Variants in NRXN1 observed in about 807,000 individuals in gnomAD.
The protein encoded by NRXN1 is neurexin-1.
NRXN1 carries 39 observed loss-of-function variants against 150.9 expected under a neutral mutation model. That is an observed-to-expected ratio of 0.26 (90% CI 0.20 to 0.34). The LOEUF (loss-of-function observed/expected upper bound fraction) is 0.34, where lower values mean the gene tolerates loss of function less well. Ranked by LOEUF, NRXN1 falls within the 10% of genes least tolerant of loss-of-function variation. The pLI, the probability that NRXN1 is intolerant of heterozygous loss-of-function variation, is 1.00. For synonymous variants in NRXN1, 924 were observed against 757.0 expected, an observed-to-expected ratio of 1.22 and a Z score of -3.62; for missense variants, 1,815 against 1,949.9, an observed-to-expected ratio of 0.93 and a Z score of 1.30.
chr2:50,940,632 A>G (rs536125236), intron 2 of NRXN1, among the ~76,000 whole-genome samples: 2 of 152,286 alleles, frequency 1.3e-5, no homozygotes, highest in Non-Finnish European at 2.9e-5. Context: ...AACAAACAAG[A>G]TGAAAGTTGC....
chr2:50,477,551 G>C (rs771304833), intron 15 of NRXN1, among the ~76,000 whole-genome samples: 1 of 152,192 alleles, frequency 6.6e-6, no homozygotes, highest in East Asian at 1.9e-4. Context: ...TTAGAGTAAA[G>C]ACCAAGCTCT....
At chr2:50,596,716 G>C (rs1265359455) in intron 8 of NRXN1, among the ~76,000 whole-genome samples, 1 of 152,084 alleles carries the variant, frequency 6.6e-6, no homozygotes, top group Non-Finnish European at 1.5e-5. Flanking sequence ...TTGGAGAAGG[G>C]ACCCATCTGT....
In NRXN1 at chr2:50,347,193, G is replaced by A. The variant is rs1046856708; in HGVS notation, c.3365-110223C>T. ...AATGCAGCTGGAGAGGGGCTTGTCC[G>A]GAAAGGCAGCCCCGGGAACAGCAAG... On this transcript the variant is annotated intron_variant, in intron 17 of 22. Transcript: ENST00000401669. This position sits in a 1 kb window ranked among gnomAD's most constrained non-coding sequence, Gnocchi z 4.9. 6 of 1,351,798 alleles carry A rather than the reference G, an allele frequency of 4.4e-6. No individual in the cohort carries two copies. Among genetic ancestry groups the A allele is most frequent in the African/African-American group, 3.0e-5 (2 of 67,534 alleles). The allele number at this position is 1,351,798 out of a possible 1,614,324, so 83.7% of individuals were successfully genotyped here. A position where few individuals can be genotyped will look rare whatever the true frequency, so the allele number is the denominator to read the frequency against.
intron 17 of NRXN1, among the ~76,000 whole-genome samples, chr2:50,326,012 T>C (rs2076361979): frequency 6.6e-6 from 1 of 152,226 alleles, no homozygotes; most frequent in South Asian, 2.1e-4. Context: ...ATCTGTTGTT[T>C]GAATATATTT....
At chr2:50,999,604 C>A (rs960708358) in intron 2 of NRXN1, among the ~76,000 whole-genome samples, 4 of 151,884 alleles carry the variant, frequency 2.6e-5, no homozygotes, top group Admixed American at 2.6e-4. Context: ...TTTCTCAGAC[C>A]AGCTGACACT....
chr2:50,508,068 C>T (rs2092314619), intron 12 of NRXN1, among the ~76,000 whole-genome samples: 1 of 152,046 alleles, frequency 6.6e-6, no homozygotes, highest in Admixed American at 6.6e-5. Context: ...GTTTTCCATC[C>T]ACATGAGATC....
chr2:50,732,611 G>C (rs758023805), intron 5 of NRXN1, among the ~76,000 whole-genome samples: 5 of 152,028 alleles, frequency 3.3e-5, no homozygotes, highest in Non-Finnish European at 5.9e-5. Context: ...ACTCCTCCTA[G>C]CTTTAAAGTA....
At chr2:50,716,746 G>A (rs565966143) in intron 5 of NRXN1, among the ~76,000 whole-genome samples, 2 of 152,226 alleles carry the variant, frequency 1.3e-5, no homozygotes, top group African/African-American at 2.4e-5. Flanking sequence ...TTAAGTGTCA[G>A]ACACCATGCT....
At chr2:50,172,086 TA>T (rs1196315857) in intron 18 of NRXN1, among the ~76,000 whole-genome samples, 2 of 151,822 alleles carry the variant, frequency 1.3e-5, no homozygotes, top group Non-Finnish European at 2.9e-5. Context: ...TGCAGGCTCC[TA>T]AAAAAAACCT....
intron 5 of NRXN1, among the ~76,000 whole-genome samples, chr2:50,763,901 G>A (rs3914722): frequency 0.077 from 11,689 of 151,846 alleles, 578 homozygotes; most frequent in Middle Eastern, 0.14. Flanking sequence ...TATCCCTCTT[G>A]GAACTTAGGA....
intron 2 of NRXN1, among the ~76,000 whole-genome samples, chr2:50,959,349 C>T (rs1692780325): frequency 6.6e-6 from 1 of 151,938 alleles, no homozygotes; most frequent in African/African-American, 2.4e-5. Flanking sequence ...AATATGGAAA[C>T]AACCCAAATA....
At chr2:50,605,709 C>T (rs902159370) in intron 8 of NRXN1, among the ~76,000 whole-genome samples, 1 of 151,990 alleles carries the variant, frequency 6.6e-6, no homozygotes, top group Non-Finnish European at 1.5e-5. Context: ...CAAAATGGTG[C>T]AGCTGCTCTA....
intron 21 of NRXN1, among the ~76,000 whole-genome samples, chr2:49,971,420 G>C (rs1457131450): frequency 3.3e-5 from 5 of 152,152 alleles, no homozygotes; most frequent in Non-Finnish European, 7.4e-5. Context: ...TGAGAAGTTT[G>C]CTTGGCAGTT....
At chr2:50,556,332 T>C (rs1479514947) in intron 8 of NRXN1, among the ~76,000 whole-genome samples, 3 of 152,144 alleles carry the variant, frequency 2.0e-5, no homozygotes, top group Admixed American at 2.0e-4. Flanking sequence ...CACTCAATCA[T>C]GGGAACACCT....
At chr2:50,087,314 A>G (rs1057131316) in intron 19 of NRXN1, among the ~76,000 whole-genome samples, 5 of 152,146 alleles carry the variant, frequency 3.3e-5, no homozygotes, top group Admixed American at 6.5e-5. Flanking sequence ...TTGATTTAAT[A>G]TGTTAACTTG....
intron 17 of NRXN1, among the ~76,000 whole-genome samples, chr2:50,439,222 A>T (rs763585934): frequency 6.6e-6 from 1 of 152,238 alleles, no homozygotes; most frequent in African/African-American, 2.4e-5. Flanking sequence ...GCTGGGTAGT[A>T]TGTTTAGTAG....
At chr2:50,977,324 T>C (rs1696012774) in intron 2 of NRXN1, among the ~76,000 whole-genome samples, 1 of 151,932 alleles carries the variant, frequency 6.6e-6, no homozygotes, top group African/African-American at 2.4e-5. Flanking sequence ...ATTTTTCATA[T>C]GTAGTCACAT....
intron 21 of NRXN1, among the ~76,000 whole-genome samples, chr2:50,050,559 A>G (rs186800312): frequency 2.1e-4 from 32 of 152,064 alleles, no homozygotes; most frequent in African/African-American, 7.5e-4. Context: ...GCAGGCGGAT[A>G]TGGCCACTAT....
intron 18 of NRXN1, among the ~76,000 whole-genome samples, chr2:50,202,717 A>G (rs2062268067): frequency 6.6e-6 from 1 of 152,152 alleles, no homozygotes; most frequent in African/African-American, 2.4e-5. Context: ...ATGAATATAA[A>G]GTATATTAGG....
Sources: gnomAD v4.1 joint callset for allele counts (sites outside exome capture counted in the v4.1 genomes callset) on GRCh38, gnomAD v4.1.1 for gene constraint, Gnocchi (gnomAD v3.1) non-coding constraint, MANE v1.5 for transcripts, NCBI Gene and HGNC (gene_info 2026-07-23, HGNC 2026-07-21) for gene names.